The following CSMD1 variants were observed in gnomAD, a reference collection of about 807,000 sequenced individuals.
CSMD1 encodes the protein CUB and Sushi multiple domains 1.
Under a neutral mutation model 417.5 loss-of-function variants are expected in CSMD1, and 213 were observed. The ratio of observed to expected loss-of-function variants is 0.51; its 90% confidence interval spans 0.46 to 0.57. The LOEUF (loss-of-function observed/expected upper bound fraction) is 0.57, where lower values mean the gene tolerates loss of function less well. CSMD1 is among the 20% of genes least tolerant of loss of function. CSMD1 has a pLI of 0.00. For missense variants in CSMD1, 6,923 were observed against 4,529.7 expected, an observed-to-expected ratio of 1.53 and a Z score of -15.17; for synonymous variants, 2,862 against 1,736.8, an observed-to-expected ratio of 1.65 and a Z score of -16.11.
chr8:3,424,948 C>T (rs183384761), intron 12 of CSMD1, among the ~76,000 whole-genome samples: 1 of 152,302 alleles, frequency 6.6e-6, no homozygotes. Flanking sequence ...GATCTTTCGA[C>T]CTCAGCCCCT....
chr8:3,992,374 A>G (rs1814821401), intron 5 of CSMD1, among the ~76,000 whole-genome samples: 1 of 152,202 alleles, frequency 6.6e-6, no homozygotes, highest in Admixed American at 6.5e-5. Flanking sequence ...AACCAGCACA[A>G]GTTTACTATT....
intron 3 of CSMD1, among the ~76,000 whole-genome samples, chr8:4,035,591 T>C (rs1470689260): frequency 6.6e-6 from 1 of 152,188 alleles, no homozygotes; most frequent in Non-Finnish European, 1.5e-5. Context: ...TGAGTCTTAA[T>C]TTTTAATGAA....
chr8:4,028,133 G>C (rs569401217), intron 4 of CSMD1, among the ~76,000 whole-genome samples: 1 of 152,112 alleles, frequency 6.6e-6, no homozygotes, highest in African/African-American at 2.4e-5. Context: ...TCAGGAACAT[G>C]AAGAGAAAAT....
chr8:3,324,403 G>T (rs79727715), intron 23 of CSMD1, among the ~76,000 whole-genome samples: 1 of 123,692 alleles, frequency 8.1e-6, no homozygotes, highest in East Asian at 2.5e-4. Context: ...CCCTACCTTT[G>T]GTCACTGTTA....
At chr8:4,907,485 T>G (rs1033854908) in intron 1 of CSMD1, among the ~76,000 whole-genome samples, 2 of 152,080 alleles carry the variant, frequency 1.3e-5, no homozygotes, top group South Asian at 2.1e-4. Flanking sequence ...ATAAAAATCC[T>G]AAACTCATAA....
intron 3 of CSMD1, among the ~76,000 whole-genome samples, chr8:4,288,000 G>A (rs1241803563): frequency 2.6e-5 from 4 of 152,108 alleles, no homozygotes; most frequent in Non-Finnish European, 5.9e-5. Flanking sequence ...TTGATTTAAA[G>A]TTAAACTTCT....
intron 34 of CSMD1, 63 bp downstream of exon 34, chr8:3,189,849 A>G: frequency 7.1e-7 from 1 of 1,402,748 alleles, no homozygotes; most frequent in Non-Finnish European, 9.8e-7. Flanking sequence ...TAGAAACATG[A>G]GAAGTAACTC....
At chr8:4,727,254 A>G (rs1563231376) in intron 1 of CSMD1, among the ~76,000 whole-genome samples, 1 of 152,224 alleles carries the variant, frequency 6.6e-6, no homozygotes, top group Non-Finnish European at 1.5e-5. Context: ...CTGTTTTCAC[A>G]TTAAACCAGT....
At chr8:4,886,767 C>T (rs928366503) in intron 1 of CSMD1, among the ~76,000 whole-genome samples, 1 of 151,782 alleles carries the variant, frequency 6.6e-6, no homozygotes, top group African/African-American at 2.4e-5. Flanking sequence ...ATTTATTTTA[C>T]CAGATTTGTT....
chr8:4,101,698 G>A (rs1187967789), intron 3 of CSMD1, among the ~76,000 whole-genome samples: 2 of 152,178 alleles, frequency 1.3e-5, no homozygotes, highest in Non-Finnish European at 2.9e-5. Context: ...CCAAATGATT[G>A]AGTAATCAAA....
intron 6 of CSMD1, among the ~76,000 whole-genome samples, chr8:3,726,944 A>G (rs1013279420): frequency 6.6e-6 from 1 of 152,228 alleles, no homozygotes; most frequent in African/African-American, 2.4e-5. Flanking sequence ...ATTAATGACT[A>G]AACTCTGAAG....
chr8:4,622,662 C>T (rs1801851249), intron 2 of CSMD1, among the ~76,000 whole-genome samples: 1 of 152,142 alleles, frequency 6.6e-6, no homozygotes, highest in African/African-American at 2.4e-5. Flanking sequence ...ATGCTAATAA[C>T]TGGTACAAAA....
chr8:4,212,827 C>A (rs945834707), intron 3 of CSMD1, among the ~76,000 whole-genome samples: 5 of 136,606 alleles, frequency 3.7e-5, no homozygotes, highest in African/African-American at 1.4e-4. Context: ...CATGGACTGG[C>A]ATTTGGGAAA....
At chr8:4,165,953 G>A (rs1046990257) in intron 3 of CSMD1, among the ~76,000 whole-genome samples, 3 of 152,094 alleles carry the variant, frequency 2.0e-5, no homozygotes, top group African/African-American at 7.2e-5. Flanking sequence ...TACTCTTCAA[G>A]GTGTCACTGT....
intron 8 of CSMD1, among the ~76,000 whole-genome samples, chr8:3,609,291 T>C (rs1303900995): frequency 6.6e-6 from 1 of 152,194 alleles, no homozygotes; most frequent in African/African-American, 2.4e-5. Flanking sequence ...AATACCAATC[T>C]GAGCTCCCTC....
chr8:3,311,272 A>G (rs111618329), intron 23 of CSMD1, among the ~76,000 whole-genome samples: 2,823 of 152,054 alleles, frequency 0.019, 87 homozygotes, highest in African/African-American at 0.064. Flanking sequence ...TTTTTTTGGA[A>G]ATGCAGTCTG....
chr8:4,240,542 C>T (rs1802335291), intron 3 of CSMD1, among the ~76,000 whole-genome samples: 3 of 152,168 alleles, frequency 2.0e-5, no homozygotes, highest in South Asian at 4.1e-4. Context: ...GTAGTGTCCT[C>T]TTAGAAGCCT....
intron 3 of CSMD1, among the ~76,000 whole-genome samples, chr8:4,164,920 T>C (rs1376515441): frequency 2.6e-5 from 4 of 151,864 alleles, no homozygotes; most frequent in Middle Eastern, 6.8e-3. Flanking sequence ...TATAGTTTGA[T>C]AGTAGTCCTG....
chr8:4,050,854 G>A (rs1314699629), intron 3 of CSMD1, among the ~76,000 whole-genome samples: 1 of 152,048 alleles, frequency 6.6e-6, no homozygotes, highest in African/African-American at 2.4e-5. Context: ...GAAGATTCTG[G>A]ATCTGAAAGG....
Sources: allele counts gnomAD v4.1 joint callset (sites outside exome capture counted in the v4.1 genomes callset), GRCh38; gene constraint gnomAD v4.1.1; transcripts MANE v1.5; gene names NCBI Gene and HGNC (gene_info 2026-07-23, HGNC 2026-07-21).